The following EIF3D variants were observed in gnomAD, a reference collection of about 807,000 sequenced individuals.
EIF3D encodes eIF3 p66.
A neutral mutation model predicts 75.4 loss-of-function variants in EIF3D; 10 were observed. That is an observed-to-expected ratio of 0.13 (90% CI 0.08 to 0.22). The LOEUF is 0.22. Ranked by LOEUF, EIF3D falls within the 10% of genes least tolerant of loss-of-function variation. The pLI is 1.00. For missense variants in EIF3D, 394 were observed against 708.0 expected (o/e 0.56, Z 5.03); for synonymous variants, 246 against 248.3 (o/e 0.99, Z 0.09).
At chr22:36,511,343 C>G (rs756453154) in intron 14 of EIF3D, among the ~76,000 whole-genome samples, 160 bp downstream of exon 14, 18 of 152,180 alleles carry the variant, frequency 1.2e-4, no homozygotes, top group Admixed American at 5.2e-4. Flanking sequence ...TCTAAAGGCT[C>G]TAGAAGAAGC....
At chr22:36,514,338 C>T (rs987628187) in intron 12 of EIF3D, among the ~76,000 whole-genome samples, 55 of 149,636 alleles carry the variant, frequency 3.7e-4, no homozygotes, top group African/African-American at 1.3e-3. Flanking sequence ...GTGACCCTTG[C>T]CCTTGCAGAG....
intron 6 of EIF3D, among the ~76,000 whole-genome samples, chr22:36,521,273 T>TG (rs1328590119): frequency 3.9e-5 from 6 of 152,322 alleles, no homozygotes; most frequent in Non-Finnish European, 5.9e-5. Flanking sequence ...ACAGAATCCC[T>TG]GACTCCCAGG....
In EIF3D at chr22:36,529,145, T is replaced by C; in HGVS notation, c.-80A>G. ...CCGGGGACCGCGTTAGCAGCAGCAC[T>C]CTTGAGAAACCAGGAAAAGAGGAAA... On this transcript the variant is annotated 5_prime_UTR_variant, in exon 1 of 15. Coordinates refer to ENST00000216190, the MANE Select transcript of EIF3D (RefSeq NM_003753.4). 7.6e-6 allele frequency: 3 copies of C among 396,736 alleles called. No individual in the cohort carries two copies. Among genetic ancestry groups the C allele is most frequent in the Non-Finnish European group, 1.3e-5 (3 of 225,128 alleles). 24.6% of individuals were successfully genotyped at this position (396,736 alleles called of 1,614,324 possible). A position where few individuals can be genotyped will look rare whatever the true frequency, so the allele number is the denominator to read the frequency against.
In EIF3D at chr22:36,514,986, CCT is replaced by C. The variant is rs377336999; in HGVS notation, c.1206+1490_1206+1491del. On this transcript the variant is annotated intron_variant, in intron 12 of 14. Transcript: ENST00000216190. The stretch of plus-strand genomic sequence containing the variant: ...TTTAAAAGTGTATACCAACCTCCCC[CCT>C]CTCTTTCTCCTGCTCTGGCCATGAT... 5.4e-3 allele frequency among the ~76,000 whole-genome samples: 818 copies of C among 152,296 alleles called. 5 individuals carry two copies. Among genetic ancestry groups the C allele is most frequent in the African/African-American group, 0.019 (775 of 41,560 alleles).
intron 3 of EIF3D, 135 bp from the exon 4 acceptor site, chr22:36,524,867 C>G (rs1006281074): frequency 9.2e-7 from 1 of 1,081,746 alleles, no homozygotes; most frequent in African/African-American, 1.6e-5. Flanking sequence ...GACACACAGA[C>G]TCACAGTCCC....
intron 12 of EIF3D, among the ~76,000 whole-genome samples, chr22:36,515,574 T>G (rs1934411097): frequency 6.6e-6 from 1 of 152,080 alleles, no homozygotes; most frequent in Non-Finnish European, 1.5e-5. Context: ...AAATCGGTAT[T>G]AAGTCATTAA....
chr22:36,518,508 AAC>A (rs1329977715), intron 9 of EIF3D, among the ~76,000 whole-genome samples: 1 of 150,370 alleles, frequency 6.7e-6, no homozygotes, highest in Non-Finnish European at 1.5e-5. Context: ...AAAAAAAAAA[AAC>A]AACAAAAAAG....
rs764310177 is a variant in EIF3D at position 36,524,618 on chromosome 22, C to T, written c.284G>A (p.Arg95Gln). The T allele has an allele frequency of 3.7e-6, 6 of 1,614,180 alleles. 1 individual carries two copies. In the South Asian group the frequency reaches 4.4e-5, roughly 12 times the overall value. Residue 95 changes from arginine (R) to glutamine (Q), a missense_variant, in exon 4 of 15, where the codon CGG becomes CAG. Coordinates refer to ENST00000216190, the MANE Select transcript of EIF3D (RefSeq NM_003753.4). ...TACCTGGGCAAATCTCATTCGATTCCGCTGGTAGGCCGTCTTCTGTGTGCG... is the reference window on the plus strand; with the variant it reads ...TACCTGGGCAAATCTCATTCGATTCTGCTGGTAGGCCGTCTTCTGTGTGCG... ...TARTQKTAYQ[R>Q]NRMRFAQRNL...
At position 36,519,507 on chromosome 22, in the gene EIF3D, G is replaced by C. The variant is rs763989305; in HGVS notation, c.609C>G (p.Asp203Glu). 2.5e-6 allele frequency: 4 copies of C among 1,614,200 alleles called. No individual in the cohort carries two copies. The highest frequency in any genetic ancestry group is 2.5e-6 in the Non-Finnish European group (3 of 1,180,038). The change falls in exon 8 of 15, where the codon GAC (aspartate) becomes GAG (glutamate). Residue 203 changes from aspartate (D) to glutamate (E), a missense_variant. By Grantham distance (45) the Asp-to-Glu change is conservative (BLOSUM62 2). Coordinates refer to ENST00000216190, the MANE Select transcript of EIF3D (RefSeq NM_003753.4). ...IECCGALEYY[D>E]KAFDRITTRS... ...TCGTGGTGATGCGGTCAAAGGCTTT[G>C]TCGTAGTATTCTAGGGCCCCACAAC...
At chr22:36,518,073 T>C (rs553630828) in intron 9 of EIF3D, among the ~76,000 whole-genome samples, 23 of 152,272 alleles carry the variant, frequency 1.5e-4, no homozygotes, top group African/African-American at 5.5e-4. Context: ...TTGAGTGACA[T>C]GGTTTTCCTT....
In EIF3D at chr22:36,517,461, T is replaced by C. The variant is rs765823176; in HGVS notation, c.860-30A>G. The C allele has an allele frequency of 6.3e-6, 10 of 1,593,448 alleles. No homozygotes were observed. The South Asian group carries it at 9.0e-5, about 14-fold the overall frequency. ...AAAAGCGTGGCATGGTCACTCACCATGCAACAAAGAGTCACTGACAATGTG... is the reference window on the plus strand; with the variant it reads ...AAAAGCGTGGCATGGTCACTCACCACGCAACAAAGAGTCACTGACAATGTG... On this transcript the variant is annotated intron_variant, in intron 9 of 14. Transcript: ENST00000216190.
rs1295240719 is a variant in EIF3D at position 36,519,462 on chromosome 22, C to T, written c.654G>A (p.Arg218=). ...RITTRSEKPL[R]SIKRIFHTVT... is the part of the protein sequence containing the mutation. ...CAGTGTGGAAGATGCGCTTGATGCT[C>T]CGCAGTGGCTTCTCACTCCTCGTGG... Residue 218 remains arginine (R), a synonymous_variant, in exon 8 of 15, where the codon CGG becomes CGA. Transcript: ENST00000216190. The T allele has an allele frequency of 1.4e-5, 23 of 1,614,062 alleles. No individual in the cohort carries two copies. The Admixed American group carries it at 3.8e-4, about 27-fold the overall frequency.
chr22:36,520,520 C>A, intron 7 of EIF3D, 56 bp downstream of exon 7: 1 of 1,264,340 alleles, frequency 7.9e-7, no homozygotes, highest in Non-Finnish European at 1.1e-6. Context: ...ATACCCATCA[C>A]CAGCTGGTCC....
In EIF3D at chr22:36,529,151, G is replaced by C. The variant is rs1264915985; in HGVS notation, c.-86C>G. 5.0e-6 allele frequency: 2 copies of C among 397,156 alleles called. No homozygotes were observed. The highest frequency in any genetic ancestry group is 8.9e-6 in the Non-Finnish European group (2 of 225,328). The allele number at this position is 397,156 out of a possible 1,614,324, so 24.6% of individuals were successfully genotyped here. ...ACCGCGTTAGCAGCAGCACTCTTGA[G>C]AAACCAGGAAAAGAGGAAACATGCG... On this transcript the variant is annotated 5_prime_UTR_variant, in exon 1 of 15. Coordinates refer to ENST00000216190, the MANE Select transcript of EIF3D (RefSeq NM_003753.4).
intron 4 of EIF3D, among the ~76,000 whole-genome samples, chr22:36,524,281 TAA>T (rs1271650285): frequency 1.3e-5 from 2 of 152,184 alleles, no homozygotes; most frequent in African/African-American, 2.4e-5. Context: ...ACCATCTACT[TAA>T]TAAAGTCTGC....
intron 6 of EIF3D, among the ~76,000 whole-genome samples, chr22:36,521,390 A>G (rs942584881): frequency 6.6e-6 from 1 of 152,106 alleles, no homozygotes; most frequent in Non-Finnish European, 1.5e-5. Flanking sequence ...GGTCCTTTAT[A>G]TTTCTCTCGG....
At position 36,514,072 on chromosome 22, in the gene EIF3D, A is replaced by G. The variant is rs1299303089; in HGVS notation, c.1207-1470T>C. ...GATTCAGAAGACAGCAAAGCCTTCT[A>G]TTTTGCTAACAGCAAAACAGAATAA... On this transcript the variant is annotated intron_variant, in intron 12 of 14. Coordinates refer to ENST00000216190, the MANE Select transcript of EIF3D (RefSeq NM_003753.4). Among the ~76,000 whole-genome samples the G allele has an allele frequency of 4.2e-5, 6 of 144,494 alleles. No individual in the cohort carries two copies. In the East Asian group the frequency reaches 9.6e-4, roughly 23 times the overall value. 94.8% of individuals were successfully genotyped at this position (144,494 alleles called of 152,430 possible). A position where few individuals can be genotyped will look rare whatever the true frequency, so the allele number is the denominator to read the frequency against.
intron 13 of EIF3D, among the ~76,000 whole-genome samples, chr22:36,512,049 C>T (rs951298644): frequency 6.6e-6 from 1 of 152,086 alleles, no homozygotes; most frequent in East Asian, 1.9e-4. Context: ...CGCCACTACG[C>T]CCGGCTAATT....
chr22:36,517,434 G>A lies in EIF3D; in HGVS notation c.860-3C>T. 1 of 1,606,210 alleles carries A rather than the reference G, an allele frequency of 6.2e-7. No individual in the cohort carries two copies. The highest frequency in any genetic ancestry group is 8.5e-7 in the Non-Finnish European group (1 of 1,176,744). ...AGTCTCACTCACTGTCAGGAGGTCT[G>A]CAAAAGCGTGGCATGGTCACTCACC... On this transcript the variant is annotated splice_region_variant and splice_polypyrimidine_tract_variant and intron_variant, in intron 9 of 14. Coordinates refer to ENST00000216190, the MANE Select transcript of EIF3D (RefSeq NM_003753.4).
Sources: gnomAD v4.1 joint callset for allele counts (sites outside exome capture counted in the v4.1 genomes callset) on GRCh38, gnomAD v4.1.1 for gene constraint, MANE v1.5 for transcripts, NCBI Gene and HGNC (gene_info 2026-07-23, HGNC 2026-07-21) for gene names.